Variants in SOBP observed in about 807,000 individuals in gnomAD.
The protein encoded by SOBP is sine oculis-binding protein homolog.
SOBP carries 4 observed loss-of-function variants against 53.6 expected under a neutral mutation model. The ratio of observed to expected loss-of-function variants is 0.07; its 90% CI spans 0.04 to 0.17. SOBP has a LOEUF of 0.17. Ranked by LOEUF, SOBP falls within the 10% of genes least tolerant of loss-of-function variation. The pLI is 1.00. For missense variants in SOBP, 1,088 were observed against 1,204.7 expected (o/e 0.90, Z 1.43); for synonymous variants, 584 against 522.6 (o/e 1.12, Z -1.60).
chr6:107,517,209 A>G (rs1209787128), intron 3 of SOBP, among the ~76,000 whole-genome samples: 1 of 152,216 alleles, frequency 6.6e-6, no homozygotes, highest in Non-Finnish European at 1.5e-5. Flanking sequence ...ATCTAAATTG[A>G]TACTTGACTC....
At chr6:107,586,988 C>T in intron 4 of SOBP, 92 bp from the exon 5 acceptor site, 4 of 931,386 alleles carry the variant, frequency 4.3e-6, no homozygotes, top group Non-Finnish European at 7.1e-6. Context: ...TCTGGATTCC[C>T]GTTTGTTGAA....
rs73518954 is a variant in SOBP at position 107,632,346 on chromosome 6, A to G, written c.670-1168A>G. 5.4e-3 allele frequency among the ~76,000 whole-genome samples: 815 copies of G among 151,176 alleles called. 8 individuals are homozygous for G. Among genetic ancestry groups the G allele is most frequent in the African/African-American group, 0.019 (796 of 41,312 alleles). Reference sequence around the variant, plus strand: ...GGCCCCCCCCCAAAAAAAAGGAAAAAAAGAAAAAAGATTGTGTGTGTAAAA... The same window carrying G: ...GGCCCCCCCCCAAAAAAAAGGAAAAGAAGAAAAAAGATTGTGTGTGTAAAA... On this transcript the variant is annotated intron_variant, in intron 5 of 6. Transcript: ENST00000317357.
intron 5 of SOBP, among the ~76,000 whole-genome samples, chr6:107,617,179 G>C (rs1786822144): frequency 6.6e-6 from 1 of 152,112 alleles, no homozygotes; most frequent in African/African-American, 2.4e-5. Context: ...ATTTTATGCT[G>C]GAGTGTCACT....
rs533881153 is a variant in SOBP, at chr6:107,518,543, G to T, written c.421+12116G>T. On this transcript the variant is annotated intron_variant, in intron 3 of 6. Transcript: ENST00000317357. ...TTAGGTATGTGCTCAACACAAATGTGTATATATGTGAGCCAAAGGCACATA... is the reference window on the plus strand; with the variant it reads ...TTAGGTATGTGCTCAACACAAATGTTTATATATGTGAGCCAAAGGCACATA... Among the ~76,000 whole-genome samples the T allele has an allele frequency of 6.0e-4, 91 of 152,284 alleles. 1 individual carries two copies. In the South Asian group the frequency reaches 8.7e-3, roughly 15 times the overall value.
At chr6:107,641,054 A>AT (rs1168528576) in intron 6 of SOBP, among the ~76,000 whole-genome samples, 2 of 152,248 alleles carry the variant, frequency 1.3e-5, no homozygotes, top group African/African-American at 4.8e-5. Context: ...ACGTCCATAG[A>AT]TTTTGGCTCC....
chr6:107,518,754 T>TG (rs1168824030), intron 3 of SOBP, among the ~76,000 whole-genome samples: 122 of 117,170 alleles, frequency 1.0e-3, no homozygotes, highest in African/African-American at 2.9e-3. Context: ...AAGGCTGTTT[T>TG]TTTTTTTTTT....
Position 107,635,812 on chromosome 6 carries a change from T to C in SOBP, c.*3+343T>C, listed in dbSNP as rs1771016212. Among the ~76,000 whole-genome samples the C allele has an allele frequency of 6.6e-6, 1 of 152,122 alleles. No individual in the cohort carries two copies. Among genetic ancestry groups the C allele is most frequent in the Non-Finnish European group, 1.5e-5 (1 of 68,016 alleles). ...TGCTCATCTCCGTAAATCACCCTAT[T>C]GGAGAAGAGGAGGATGGGGGGAGGG... is the stretch of plus-strand genomic sequence containing the variant. On this transcript the variant is annotated intron_variant, in intron 6 of 6. Transcript: ENST00000317357. The surrounding 1 kb of genome is among the most constrained non-coding windows in gnomAD (Gnocchi z 4.5).
chr6:107,576,928 T>C (rs9373952), intron 4 of SOBP, among the ~76,000 whole-genome samples: 83,098 of 152,120 alleles, frequency 0.55, 25,024 homozygotes, highest in East Asian at 0.9. Context: ...ATGTCTTTGA[T>C]AAGTATTGCT....
At chr6:107,529,100 A>G (rs906525571) in intron 3 of SOBP, among the ~76,000 whole-genome samples, 10 of 152,196 alleles carry the variant, frequency 6.6e-5, no homozygotes, top group South Asian at 2.1e-4. Context: ...GTCTCCTTGT[A>G]TGTTCACTCC....
intron 4 of SOBP, among the ~76,000 whole-genome samples, chr6:107,570,587 T>C (rs559424147): frequency 4.6e-5 from 7 of 152,370 alleles, no homozygotes; most frequent in Admixed American, 4.6e-4. Flanking sequence ...TTCTACCAAG[T>C]GTGGGTAACA....
chr6:107,649,798 G>T (rs2115172996), intron 6 of SOBP, among the ~76,000 whole-genome samples: 1 of 152,308 alleles, frequency 6.6e-6, no homozygotes, highest in East Asian at 1.9e-4. Flanking sequence ...GTTCTGGAAA[G>T]AACTTAGTAA....
At chr6:107,551,118 C>T (rs1353461013) in intron 4 of SOBP, among the ~76,000 whole-genome samples, 2 of 152,164 alleles carry the variant, frequency 1.3e-5, no homozygotes, top group Non-Finnish European at 2.9e-5. Flanking sequence ...CCTCCTCCTA[C>T]GGCCGAGAAA....
chr6:107,633,146 A>G (rs758450866), intron 5 of SOBP, among the ~76,000 whole-genome samples: 18 of 152,226 alleles, frequency 1.2e-4, no homozygotes, highest in Non-Finnish European at 2.2e-4. Flanking sequence ...TTTCCCTCCA[A>G]AACTCTTTAG....
chr6:107,560,757 G>T lies in SOBP; in HGVS notation c.574-26323G>T, dbSNP rs187323435. On this transcript the variant is annotated intron_variant, in intron 4 of 6. Coordinates refer to ENST00000317357, the MANE Select transcript of SOBP (RefSeq NM_018013.4). ...CCCAGGAGTGACCGGGCTGGGAATG[G>T]ACTCAAGTCTTTTTCCCCACCAGAC... is the stretch of plus-strand genomic sequence containing the variant. 3.0e-3 allele frequency among the ~76,000 whole-genome samples: 456 copies of T among 152,240 alleles called. 1 individual carries two copies. The highest frequency in any genetic ancestry group is 4.3e-3 in the Non-Finnish European group (290 of 68,018).
chr6:107,643,548 C>A lies in SOBP; in HGVS notation c.*3+8079C>A, dbSNP rs1442814105. Among the ~76,000 whole-genome samples, 6 of 152,110 alleles carry A rather than the reference C, an allele frequency of 3.9e-5. No homozygotes were observed. In the East Asian group the frequency reaches 1.2e-3, roughly 29 times the overall value. The stretch of plus-strand genomic sequence containing the variant: ...TCTCCTGCCTCAGCCTCCCAAGTAG[C>A]TGGGATTACAGGCGCGCACCACCAT... On this transcript the variant is annotated intron_variant, in intron 6 of 6. Transcript: ENST00000317357.
chr6:107,629,439 A>G (rs1770607319), intron 5 of SOBP, among the ~76,000 whole-genome samples: 1 of 151,992 alleles, frequency 6.6e-6, no homozygotes, highest in Admixed American at 6.6e-5. Flanking sequence ...CCCCTCCCTC[A>G]GTTGCCTGAG....
intron 1 of SOBP, among the ~76,000 whole-genome samples, chr6:107,500,809 G>A (rs879416665): frequency 1.1e-4 from 16 of 152,188 alleles, no homozygotes; most frequent in Non-Finnish European, 1.6e-4. Context: ...ACAGGTCTGA[G>A]CCACCACACC....
intron 3 of SOBP, among the ~76,000 whole-genome samples, chr6:107,523,419 T>G (rs756453542): frequency 2.0e-5 from 3 of 152,372 alleles, no homozygotes; most frequent in Non-Finnish European, 4.4e-5. Context: ...TCATCTTGCT[T>G]CTTTTAACAC....
intron 5 of SOBP, among the ~76,000 whole-genome samples, chr6:107,599,568 T>G (rs1191470327): frequency 2.7e-5 from 4 of 150,118 alleles, no homozygotes; most frequent in Non-Finnish European, 5.9e-5. Flanking sequence ...TTTGCTGGGT[T>G]TATAAAGGTA....
Sources: allele counts gnomAD v4.1 joint callset (sites outside exome capture counted in the v4.1 genomes callset), GRCh38; gene constraint gnomAD v4.1.1; non-coding constraint Gnocchi (gnomAD v3.1); transcripts MANE v1.5; gene names NCBI Gene and HGNC (gene_info 2026-07-23, HGNC 2026-07-21).